KDM3B: variants seen among roughly 807,000 people sequenced by gnomAD.
KDM3B encodes the protein lysine demethylase 3B.
In KDM3B, 10 loss-of-function variants were observed where a neutral mutation model predicts 170.0. That is an observed-to-expected ratio of 0.06 (90% CI 0.04 to 0.10). The LOEUF (loss-of-function observed/expected upper bound fraction) is 0.10, where lower values mean the gene tolerates loss of function less well. Ranked by LOEUF, KDM3B falls within the 10% of genes least tolerant of loss-of-function variation. The pLI, the probability that KDM3B is intolerant of heterozygous loss-of-function variation, is 1.00. For synonymous variants in KDM3B, 831 were observed against 834.8 expected (o/e 1.00, Z 0.08); for missense variants, 1,394 against 2,195.2 (o/e 0.64, Z 7.29).
intron 3 of KDM3B, 52 bp from the exon 4 acceptor site, chr5:138,377,668 T>C: frequency 8.0e-7 from 1 of 1,256,338 alleles, no homozygotes; most frequent in South Asian, 1.2e-5. Context: ...GCTGATTAGA[T>C]GTTTGCTATT....
chr5:138,415,800 C>T (rs1763088508), intron 12 of KDM3B, among the ~76,000 whole-genome samples: 1 of 152,114 alleles, frequency 6.6e-6, no homozygotes, highest in Non-Finnish European at 1.5e-5. Flanking sequence ...ACTGCACACT[C>T]TGCTCCCCAT....
At chr5:138,393,439 C>A in intron 9 of KDM3B, 67 bp downstream of exon 9, 1 of 1,293,226 alleles carries the variant, frequency 7.7e-7, no homozygotes, top group East Asian at 2.5e-5. Flanking sequence ...CACTCTTTCT[C>A]TGAGTCTATA....
chr5:138,434,622 A>G (rs956099305), intron 23 of KDM3B, among the ~76,000 whole-genome samples: 1 of 151,670 alleles, frequency 6.6e-6, no homozygotes, highest in South Asian at 2.1e-4. Context: ...TACCAGTCCC[A>G]CTTTCACTAC....
chr5:138,380,067 A>G (rs1762088451), intron 5 of KDM3B, among the ~76,000 whole-genome samples: 1 of 152,130 alleles, frequency 6.6e-6, no homozygotes, highest in South Asian at 2.1e-4. Context: ...AGCTCACTGC[A>G]ACATTTGCCT....
chr5:138,360,363 G>C (rs1248698625), intron 1 of KDM3B, among the ~76,000 whole-genome samples: 1 of 152,026 alleles, frequency 6.6e-6, no homozygotes, highest in Non-Finnish European at 1.5e-5. Flanking sequence ...TGTACTTTTT[G>C]ACATTAAGAC....
intron 14 of KDM3B, among the ~76,000 whole-genome samples, chr5:138,419,921 T>G (rs936480890): frequency 4.0e-5 from 6 of 151,730 alleles, no homozygotes; most frequent in Non-Finnish European, 8.8e-5. Context: ...TCTTGTTGCC[T>G]GGAGTTCCGG....
chr5:138,428,184 TTTTTTC>T, intron 20 of KDM3B, 98 bp downstream of exon 20: 4 of 1,240,830 alleles, frequency 3.2e-6, no homozygotes, highest in Non-Finnish European at 3.3e-6. Flanking sequence ...TTTTCCTTTT[TTTTTTC>T]TTTTTCTTTT....
At chr5:138,361,392 A>G (rs1156600964) in intron 1 of KDM3B, among the ~76,000 whole-genome samples, 2 of 148,378 alleles carry the variant, frequency 1.3e-5, no homozygotes, top group Non-Finnish European at 3.0e-5. Flanking sequence ...GCTCTAGGGG[A>G]CTGATTCTCT....
Position 138,373,797 on chromosome 5 carries a change from A to G in KDM3B, c.360+956A>G, listed in dbSNP as rs142240977. 6.7e-3 allele frequency among the ~76,000 whole-genome samples: 1,021 copies of G among 152,198 alleles called. 7 individuals carry two copies. Among genetic ancestry groups the G allele is most frequent in the Non-Finnish European group, 0.011 (767 of 68,002 alleles). On this transcript the variant is annotated intron_variant, in intron 2 of 23. Transcript: ENST00000314358. ...ACTGTGCCTGGCTGTGTGTTATAAAATTTAATTGTGAGAGTATCCATTTGT... is the reference window on the plus strand; with the variant it reads ...ACTGTGCCTGGCTGTGTGTTATAAAGTTTAATTGTGAGAGTATCCATTTGT...
intron 17 of KDM3B, chr5:138,425,869 G>A: frequency 4.3e-6 from 1 of 234,216 alleles, no homozygotes; most frequent in Non-Finnish European, 8.6e-6. Context: ...AGCTGGGTAT[G>A]GTGGTGTGTG....
chr5:138,435,859 C>G lies in KDM3B; in HGVS notation c.*159C>G, dbSNP rs1561801933. Reference sequence around the variant, plus strand: ...GCCACTCTCTTCTACGCTGCCTCAACACTGAAGGTTGACACAGGAAAGTCG... The same window carrying G: ...GCCACTCTCTTCTACGCTGCCTCAAGACTGAAGGTTGACACAGGAAAGTCG... On this transcript the variant is annotated 3_prime_UTR_variant, in exon 24 of 24. Coordinates refer to ENST00000314358, the MANE Select transcript of KDM3B (RefSeq NM_016604.4). 1 of 616,910 alleles carries G rather than the reference C, an allele frequency of 1.6e-6. No homozygotes were observed. 38.2% of individuals were successfully genotyped at this position (616,910 alleles called of 1,614,324 possible).
chr5:138,391,347 G>T lies in KDM3B; in HGVS notation c.1715G>T (p.Arg572Ile), dbSNP rs1310671846. The change falls in exon 8 of 24, where the codon AGA becomes ATA. Residue 572 changes from arginine to isoleucine, a missense_variant. Around this residue, in one of 19 missense-constraint regions of KDM3B, gnomAD observed 294 missense variants for 311.7 expected, o/e 0.94. Coordinates refer to ENST00000314358, the MANE Select transcript of KDM3B (RefSeq NM_016604.4). This position sits in a 1 kb window ranked among gnomAD's most constrained non-coding sequence, Gnocchi z 5.0. ...ESLSSGLCKGRSVLGTDTKPG... is the reference protein window; with the variant it reads ...ESLSSGLCKGISVLGTDTKPG... The stretch of plus-strand genomic sequence containing the variant: ...CTGAGCTCAGGCCTGTGTAAAGGCA[G>T]ATCCGTTCTTGGAACAGACACTAAG... The T allele has an allele frequency of 1.9e-6, 3 of 1,614,206 alleles. No individual in the cohort carries two copies. Among genetic ancestry groups the T allele is most frequent in the Non-Finnish European group, 2.5e-6 (3 of 1,180,040 alleles).
intron 22 of KDM3B, among the ~76,000 whole-genome samples, 162 bp from the exon 23 acceptor site, chr5:138,431,263 T>G (rs1039930731): frequency 6.6e-5 from 10 of 152,190 alleles, no homozygotes; most frequent in African/African-American, 2.4e-4. Flanking sequence ...TGGCCATTGC[T>G]TTTATTTATA....
rs10073922 is a variant in KDM3B at position 138,381,524 on chromosome 5, G to C, written c.714G>C (p.Glu238Asp). The C allele has an allele frequency of 6.9e-6, 11 of 1,584,518 alleles. No individual in the cohort carries two copies. Among genetic ancestry groups the C allele is most frequent in the Non-Finnish European group, 9.5e-6 (11 of 1,152,900 alleles). Residue 238 changes from glutamate (E) to aspartate (D), a missense_variant, in exon 6 of 24, where the codon GAG (glutamate) becomes GAC (aspartate). Glu to Asp is a conservative substitution (Grantham distance 45). This residue lies in a region of KDM3B where 166 missense variants were observed against 216.4 expected (regional missense o/e 0.77). Coordinates refer to ENST00000314358, the MANE Select transcript of KDM3B (RefSeq NM_016604.4). ...LMEVSVTESGEIKSVDPRLIH... is the reference protein window; with the variant it reads ...LMEVSVTESGDIKSVDPRLIH... ...TTCCCCTCCTACTGTAGAGTGGTGA[G>C]ATCAAGTCGGTAGATCCCAGACTAA...
At chr5:138,362,551 T>TACACACACACACACAC (rs370412367) in intron 1 of KDM3B, among the ~76,000 whole-genome samples, 3 of 124,684 alleles carry the variant, frequency 2.4e-5, no homozygotes, top group African/African-American at 8.2e-5. Context: ...TATATGTGTA[T>TACACACACACACACAC]ACACACACAC....
At chr5:138,363,331 TTTTTC>T (rs1687885610) in intron 1 of KDM3B, among the ~76,000 whole-genome samples, 1 of 152,114 alleles carries the variant, frequency 6.6e-6, no homozygotes, top group South Asian at 2.1e-4. Context: ...ATCTTTAAAT[TTTTTC>T]TTTTACATGT....
intron 11 of KDM3B, among the ~76,000 whole-genome samples, chr5:138,406,134 C>A (rs112365199): frequency 0.041 from 6,284 of 152,164 alleles, 179 homozygotes; most frequent in South Asian, 0.11. Context: ...TACTTGAGGC[C>A]AGGAGTTCAA....
intron 11 of KDM3B, among the ~76,000 whole-genome samples, chr5:138,414,880 C>T (rs1413782585): frequency 6.6e-6 from 1 of 152,110 alleles, no homozygotes; most frequent in Admixed American, 6.6e-5. Flanking sequence ...TGGCTTGAGC[C>T]AGAGAGGCGG....
At chr5:138,426,911 A>G in intron 17 of KDM3B, 64 bp from the exon 18 acceptor site, 2 of 1,145,364 alleles carry the variant, frequency 1.7e-6, no homozygotes, top group Non-Finnish European at 2.6e-6. Context: ...CCCAAAAGTT[A>G]CTGTTGAAAA....
Sources: gnomAD v4.1 joint callset for allele counts (sites outside exome capture counted in the v4.1 genomes callset) on GRCh38, gnomAD v4.1.1 for gene constraint, gnomAD v4.1.1 regional missense constraint, Gnocchi (gnomAD v3.1) non-coding constraint, MANE v1.5 for transcripts, NCBI Gene and HGNC (gene_info 2026-07-23, HGNC 2026-07-21) for gene names.